The following ANO2 variants were observed in gnomAD, a reference collection of about 807,000 sequenced individuals.
The protein encoded by ANO2 is anoctamin 2.
In ANO2, 101 loss-of-function variants were observed where a neutral mutation model predicts 124.2. The observed-to-expected ratio is 0.81, with a 90% confidence interval of 0.69 to 0.96. ANO2 has a LOEUF of 0.96. ANO2 is among the 40% of genes least tolerant of loss of function. The probability of loss-of-function intolerance (pLI) is 0.00; values close to 1 mark genes in which losing one functional copy is unlikely to be tolerated. For missense variants in ANO2, 1,293 were observed against 1,274.5 expected, an observed-to-expected ratio of 1.01 and a Z score of -0.22; for synonymous variants, 486 against 482.5, an observed-to-expected ratio of 1.01 and a Z score of -0.09.
chr12:5,939,971 C>T (rs1228179930), intron 1 of ANO2, among the ~76,000 whole-genome samples: 1 of 152,220 alleles, frequency 6.6e-6, no homozygotes, highest in Non-Finnish European at 1.5e-5. Context: ...TACATTTCCA[C>T]ATTTATCTCC....
chr12:5,829,074 C>T (rs1222456547), intron 6 of ANO2, among the ~76,000 whole-genome samples: 2 of 152,210 alleles, frequency 1.3e-5, no homozygotes, highest in Non-Finnish European at 2.9e-5. Context: ...TTTACATTCC[C>T]ATATTCCAGC....
At chr12:5,641,447 G>C (rs978547114) in intron 15 of ANO2, among the ~76,000 whole-genome samples, 9 of 152,124 alleles carry the variant, frequency 5.9e-5, no homozygotes, top group African/African-American at 2.2e-4. Flanking sequence ...GGACAAGTTA[G>C]TGCCAAATAA....
rs551648031 is a variant in ANO2 at position 5,769,978 on chromosome 12, C to T, written c.1056-19008G>A. ...AAATTCACAAGCCTGTGTGGCAGCC[C>T]GAGAAGGAGAGATACTGTCTACATT... is the stretch of plus-strand genomic sequence containing the variant. On this transcript the variant is annotated intron_variant, in intron 10 of 24. Transcript: ENST00000682330. The surrounding 1 kb of genome is among the most constrained non-coding windows in gnomAD (Gnocchi z 4.0). Among the ~76,000 whole-genome samples the T allele has an allele frequency of 7.2e-4, 110 of 152,198 alleles. No individual in the cohort carries two copies. Among genetic ancestry groups the T allele is most frequent in the South Asian group, 3.3e-3 (16 of 4,826 alleles).
chr12:5,639,890 G>A (rs1037731775), intron 15 of ANO2, among the ~76,000 whole-genome samples: 1 of 152,212 alleles, frequency 6.6e-6, no homozygotes, highest in African/African-American at 2.4e-5. Context: ...AGTCCAGGCT[G>A]TGGAGGAGGA....
In ANO2 at chr12:5,566,340, G is replaced by C. The variant is rs564005759; in HGVS notation, c.2622-677C>G. On this transcript the variant is annotated intron_variant, in intron 23 of 24. Coordinates refer to ENST00000682330, the MANE Select transcript of ANO2 (RefSeq NM_001364791.2). The stretch of plus-strand genomic sequence containing the variant: ...AAACTACAAAATGTTAATGCCTGAC[G>C]TGATTTCATGCCTCTTTCTCAGACC... 1.5e-4 allele frequency among the ~76,000 whole-genome samples: 23 copies of C among 152,282 alleles called. No homozygotes were observed. In the South Asian group the frequency reaches 4.8e-3, roughly 32 times the overall value.
chr12:5,748,934 A>T lies in ANO2; in HGVS notation c.1190+1902T>A, dbSNP rs567387590. On this transcript the variant is annotated intron_variant, in intron 11 of 24. Coordinates refer to ENST00000682330, the MANE Select transcript of ANO2 (RefSeq NM_001364791.2). ...TTGATACTAGAGTTTTATACCAAAA[A>T]ATCCAAACTCTTGTCTCTTACATCA... Among the ~76,000 whole-genome samples, 25 of 152,038 alleles carry T rather than the reference A, an allele frequency of 1.6e-4. No homozygotes were observed. In the South Asian group the frequency reaches 5.2e-3, roughly 32 times the overall value.
At chr12:5,817,345 A>G (rs1953642522) in intron 7 of ANO2, among the ~76,000 whole-genome samples, 1 of 152,234 alleles carries the variant, frequency 6.6e-6, no homozygotes, top group African/African-American at 2.4e-5. Context: ...CTGCTGTGGG[A>G]CTAGCAGGCT....
chr12:5,647,756 G>A lies in ANO2; in HGVS notation c.1591C>T (p.Leu531=). Residue 531 remains leucine, a synonymous_variant, in exon 15 of 25, where the codon CTG becomes TTG. Coordinates refer to ENST00000682330, the MANE Select transcript of ANO2 (RefSeq NM_001364791.2). ...LTWKDRFPGY[L]MNFASILFMI... ...AATAAGATGGAGGCAAAGTTCATCAGGTAACCTGGGAAACGATCCTTCCAG... is the reference window on the plus strand; with the variant it reads ...AATAAGATGGAGGCAAAGTTCATCAAGTAACCTGGGAAACGATCCTTCCAG... The A allele has an allele frequency of 6.2e-7, 1 of 1,610,464 alleles. No homozygotes were observed. Among genetic ancestry groups the A allele is most frequent in the Non-Finnish European group, 8.5e-7 (1 of 1,178,656 alleles).
chr12:5,563,326 C>T lies in ANO2; in HGVS notation c.2970G>A (p.Ser990=), dbSNP rs761786139. The T allele has an allele frequency of 1.4e-5, 22 of 1,602,000 alleles. No homozygotes were observed. The Middle Eastern group carries it at 7.3e-4, about 53-fold the overall frequency. ...ACACATTGGTGTGCTGAGAGCCTGACGACATCATGCTGCCCAGCTGGCTTT... is the reference window on the plus strand; with the variant it reads ...ACACATTGGTGTGCTGAGAGCCTGATGACATCATGCTGCCCAGCTGGCTTT... ...SGQSQLGSMM[S]SGSQHTNV is the part of the protein sequence containing the mutation. Residue 990 remains serine (S), a synonymous_variant, in exon 25 of 25, where the codon TCG becomes TCA. Coordinates refer to ENST00000682330, the MANE Select transcript of ANO2 (RefSeq NM_001364791.2).
chr12:5,882,131 A>T (rs1161369329), intron 3 of ANO2, among the ~76,000 whole-genome samples: 6 of 152,174 alleles, frequency 3.9e-5, no homozygotes, highest in Non-Finnish European at 7.3e-5. Flanking sequence ...CAAGGAAAGG[A>T]ACAGTCAAAA....
intron 3 of ANO2, among the ~76,000 whole-genome samples, chr12:5,899,118 G>A (rs1262691478): frequency 6.6e-6 from 1 of 152,150 alleles, no homozygotes; most frequent in East Asian, 1.9e-4. Flanking sequence ...CAACACCTTG[G>A]CCATGCATAG....
intron 15 of ANO2, among the ~76,000 whole-genome samples, chr12:5,643,319 T>G (rs1349840663): frequency 6.6e-6 from 1 of 152,242 alleles, no homozygotes; most frequent in Non-Finnish European, 1.5e-5. Context: ...ATGAGTAGAA[T>G]CAAACTGTAT....
chr12:5,592,460 G>A (rs939138053), intron 20 of ANO2, among the ~76,000 whole-genome samples: 1 of 152,158 alleles, frequency 6.6e-6, no homozygotes, highest in Non-Finnish European at 1.5e-5. Flanking sequence ...TTGGACGTGA[G>A]AGTGTGAGAT....
chr12:5,868,723 A>G (rs969065732), intron 3 of ANO2, among the ~76,000 whole-genome samples: 1 of 152,172 alleles, frequency 6.6e-6, no homozygotes. Flanking sequence ...CAGCCCAAAC[A>G]TGCTTTTCCA....
intron 14 of ANO2, among the ~76,000 whole-genome samples, chr12:5,694,284 A>AGAGAG (rs55758114): frequency 6.6e-6 from 1 of 150,806 alleles, no homozygotes; most frequent in South Asian, 2.1e-4. Flanking sequence ...AGAGAGAGAG[A>AGAGAG]ATAAAACAGA....
intron 14 of ANO2, among the ~76,000 whole-genome samples, chr12:5,721,485 G>T (rs564577535): frequency 8.1e-5 from 12 of 147,646 alleles, no homozygotes; most frequent in African/African-American, 3.0e-4. Flanking sequence ...AGTTTTTTTG[G>T]TTTTTGGTTT....
chr12:5,889,127 G>A (rs752243249), intron 3 of ANO2, among the ~76,000 whole-genome samples: 310 of 152,310 alleles, frequency 2.0e-3, no homozygotes, highest in Non-Finnish European at 2.8e-3. Flanking sequence ...CCGGCGGGCC[G>A]GCTGGTTGCT....
At chr12:5,860,587 C>T (rs1955235862) in intron 3 of ANO2, among the ~76,000 whole-genome samples, 4 of 152,180 alleles carry the variant, frequency 2.6e-5, no homozygotes, top group African/African-American at 9.7e-5. Context: ...TGACCTTTGG[C>T]CAACAGAATT....
At chr12:5,782,366 A>G (rs537655704) in intron 10 of ANO2, among the ~76,000 whole-genome samples, 58 of 152,236 alleles carry the variant, frequency 3.8e-4, no homozygotes, top group African/African-American at 1.3e-3. Context: ...ATAATTGGGT[A>G]TTGCATTTTT....
Sources: gnomAD v4.1 joint callset for allele counts (sites outside exome capture counted in the v4.1 genomes callset) on GRCh38, gnomAD v4.1.1 for gene constraint, Gnocchi (gnomAD v3.1) non-coding constraint, MANE v1.5 for transcripts, NCBI Gene and HGNC (gene_info 2026-07-23, HGNC 2026-07-21) for gene names.